Variants in MOBP observed in about 807,000 individuals in gnomAD.
MOBP encodes myelin-associated oligodendrocyte basic protein.
A neutral mutation model predicts 15.0 loss-of-function variants in MOBP; 5 were observed. That is an observed-to-expected ratio of 0.33 (90% CI 0.17 to 0.70). The LOEUF (loss-of-function observed/expected upper bound fraction) is 0.70. Ranked by LOEUF, MOBP falls within the 30% of genes least tolerant of loss-of-function variation. MOBP has a pLI of 0.67. For synonymous variants in MOBP, 88 were observed against 99.0 expected (o/e 0.89, Z 0.66); for missense variants, 188 against 257.8 (o/e 0.73, Z 1.85).
At chr3:39,501,414 C>T (rs2042967636) in intron 2 of MOBP, among the ~76,000 whole-genome samples, 1 of 152,222 alleles carries the variant, frequency 6.6e-6, no homozygotes, top group Non-Finnish European at 1.5e-5. Context: ...GGACTGTTTT[C>T]AGTCTCCAGC....
chr3:39,495,898 G>A (rs542328917), intron 2 of MOBP, among the ~76,000 whole-genome samples: 1 of 150,620 alleles, frequency 6.6e-6, no homozygotes, highest in South Asian at 2.1e-4. Context: ...TCTGACAAAA[G>A]TACTCAAAAA....
intron 2 of MOBP, among the ~76,000 whole-genome samples, chr3:39,499,164 T>C (rs2042932593): frequency 6.6e-6 from 1 of 152,110 alleles, no homozygotes; most frequent in Non-Finnish European, 1.5e-5. Flanking sequence ...CTGAAGAAAT[T>C]ACTCCTGAAG....
chr3:39,471,966 G>A (rs1262629093), intron 1 of MOBP, among the ~76,000 whole-genome samples: 2 of 152,208 alleles, frequency 1.3e-5, no homozygotes, highest in African/African-American at 2.4e-5. Flanking sequence ...GTGTCTTCAA[G>A]TCCAAAGGGT....
chr3:39,494,638 T>C (rs1247517571), intron 2 of MOBP, among the ~76,000 whole-genome samples: 1 of 152,146 alleles, frequency 6.6e-6, no homozygotes. Flanking sequence ...GTGAGATAAA[T>C]AGAGTGTGTC....
intron 3 of MOBP, among the ~76,000 whole-genome samples, chr3:39,522,417 C>T (rs2043280463): frequency 6.6e-6 from 1 of 152,192 alleles, no homozygotes; most frequent in Non-Finnish European, 1.5e-5. Context: ...AGAACCATGG[C>T]TTTACACCTT....
chr3:39,495,448 G>GAA (rs529788900), intron 2 of MOBP, among the ~76,000 whole-genome samples: 2 of 147,494 alleles, frequency 1.4e-5, no homozygotes, highest in Non-Finnish European at 3.0e-5. Flanking sequence ...ACTCAATAAG[G>GAA]AAAAAAAAAA....
chr3:39,501,543 G>A (rs1407958040), intron 2 of MOBP, among the ~76,000 whole-genome samples: 1 of 152,134 alleles, frequency 6.6e-6, no homozygotes, highest in African/African-American at 2.4e-5. Context: ...CACACAGCTT[G>A]TTTTCTTGTG....
intron 2 of MOBP, among the ~76,000 whole-genome samples, chr3:39,480,875 AAC>A (rs2042618834): frequency 6.6e-6 from 1 of 152,222 alleles, no homozygotes; most frequent in Admixed American, 6.5e-5. Context: ...CCATCAAGCA[AAC>A]AGTGCAAACG....
At chr3:39,495,243 G>A (rs1046211540) in intron 2 of MOBP, among the ~76,000 whole-genome samples, 7 of 152,172 alleles carry the variant, frequency 4.6e-5, no homozygotes, top group Non-Finnish European at 7.4e-5. Flanking sequence ...GCATTAAAAT[G>A]AGAAGCCAAT....
At chr3:39,474,389 G>C (rs926483786) in intron 1 of MOBP, among the ~76,000 whole-genome samples, 4 of 152,202 alleles carry the variant, frequency 2.6e-5, no homozygotes, top group African/African-American at 9.6e-5. Context: ...TGAGAAATGA[G>C]ATATTAGACG....
At chr3:39,483,157 T>G (rs1229411182) in intron 2 of MOBP, among the ~76,000 whole-genome samples, 1 of 152,258 alleles carries the variant, frequency 6.6e-6, no homozygotes, top group Non-Finnish European at 1.5e-5. Context: ...TTGTCTTTGT[T>G]CATTGTCATA....
intron 2 of MOBP, among the ~76,000 whole-genome samples, chr3:39,493,885 C>T (rs1384186374): frequency 6.6e-6 from 1 of 152,124 alleles, no homozygotes; most frequent in Non-Finnish European, 1.5e-5. Context: ...GGACAAGTTC[C>T]AAAGGCTTGA....
intron 2 of MOBP, chr3:39,500,100 T>C (rs2042948424): frequency 4.4e-6 from 2 of 455,844 alleles, no homozygotes; most frequent in Non-Finnish European, 4.4e-6. Context: ...GTTTATCTGC[T>C]CTACCCACTT....
chr3:39,470,535 A>G (rs1298606804), intron 1 of MOBP, among the ~76,000 whole-genome samples: 1 of 152,218 alleles, frequency 6.6e-6, no homozygotes, highest in Non-Finnish European at 1.5e-5. Context: ...TATGGATGAG[A>G]TGCATTATTC....
exon 5 of MOBP, chr3:39,524,799 C>T (rs1385644458): frequency 6.6e-6 from 1 of 151,924 alleles, no homozygotes; most frequent in East Asian, 1.9e-4. Flanking sequence ...TGAGAAATTA[C>T]CAAAATGTCC....
chr3:39,523,646 A>G (rs546447842), intron 3 of MOBP, among the ~76,000 whole-genome samples: 1 of 152,212 alleles, frequency 6.6e-6, no homozygotes, highest in Non-Finnish European at 1.5e-5. Flanking sequence ...TATGGCCTAA[A>G]TCTTGATTAT....
downstream of MOBP, among the ~76,000 whole-genome samples, chr3:39,504,552 T>C (rs1347492039): frequency 6.6e-6 from 1 of 152,268 alleles, no homozygotes; most frequent in Non-Finnish European, 1.5e-5. Flanking sequence ...CAGGCCGTTA[T>C]TACCTCCTCA....
At chr3:39,486,637 T>G (rs1407296572) in intron 2 of MOBP, among the ~76,000 whole-genome samples, 2 of 152,220 alleles carry the variant, frequency 1.3e-5, no homozygotes, top group Non-Finnish European at 2.9e-5. Context: ...ATTTAACTTT[T>G]ACCCATCTGA....
chr3:39,496,211 G>GT lies in MOBP; in HGVS notation c.-4-5849dup, dbSNP rs1418384949. 3.0e-4 allele frequency among the ~76,000 whole-genome samples: 35 copies of GT among 118,194 alleles called. 3 individuals carry two copies. Among genetic ancestry groups the GT allele is most frequent in the Non-Finnish European group, 3.5e-5 (2 of 56,498 alleles). 77.5% of individuals were successfully genotyped at this position (118,194 alleles called of 152,430 possible). A position where few individuals can be genotyped will look rare whatever the true frequency, so the allele number is the denominator to read the frequency against. On this transcript the variant is annotated intron_variant, in intron 2 of 3. Transcript: ENST00000684792. ...TTTTCTTTTTTTTCTTTTTTTTTTT[G>GT]TTTTTTGAGACGGATCTTGCTCTGT... is the stretch of plus-strand genomic sequence containing the variant.
Sources: gnomAD v4.1 joint callset for allele counts (sites outside exome capture counted in the v4.1 genomes callset) on GRCh38, gnomAD v4.1.1 for gene constraint, MANE v1.5 for transcripts, NCBI Gene and HGNC (gene_info 2026-07-23, HGNC 2026-07-21) for gene names.